Variants in RNF220 observed in about 807,000 individuals in gnomAD.
RNF220 encodes the protein E3 ubiquitin-protein ligase RNF220.
RNF220 carries 7 observed loss-of-function variants against 67.1 expected under a neutral mutation model. That is an observed-to-expected ratio of 0.10 (90% CI 0.06 to 0.20). The LOEUF is 0.20. Ranked by LOEUF, RNF220 falls within the 10% of genes least tolerant of loss-of-function variation. RNF220 has a pLI of 1.00. For missense variants in RNF220, 565 were observed against 740.3 expected, an observed-to-expected ratio of 0.76 and a Z score of 2.75; for synonymous variants, 270 against 283.2, an observed-to-expected ratio of 0.95 and a Z score of 0.47.
At chr1:44,487,038 G>A (rs139970750) in intron 2 of RNF220, among the ~76,000 whole-genome samples, 1,758 of 152,148 alleles carry the variant, frequency 0.012, 21 homozygotes, top group Non-Finnish European at 0.02. Flanking sequence ...TTAGAAGGAC[G>A]GTTTAAAAAT....
chr1:44,631,430 C>G (rs1442361338), intron 5 of RNF220, among the ~76,000 whole-genome samples: 2 of 152,220 alleles, frequency 1.3e-5, no homozygotes, highest in African/African-American at 4.8e-5. Context: ...TAGATAGTGG[C>G]TTCCTCTTAT....
intron 2 of RNF220, among the ~76,000 whole-genome samples, chr1:44,597,468 GCA>G (rs56375404): frequency 0.09 from 12,217 of 135,388 alleles, 558 homozygotes; most frequent in East Asian, 0.19. Flanking sequence ...TCTCTCTCAT[GCA>G]CACACACACA....
intron 2 of RNF220, among the ~76,000 whole-genome samples, chr1:44,585,748 G>A (rs2148355721): frequency 6.6e-6 from 1 of 152,242 alleles, no homozygotes. Context: ...GTGACCTTGG[G>A]CAAGTTCCTT....
At chr1:44,641,150 C>G (rs1644478090) in intron 8 of RNF220, among the ~76,000 whole-genome samples, 1 of 151,876 alleles carries the variant, frequency 6.6e-6, no homozygotes, top group Non-Finnish European at 1.5e-5. Context: ...ACTTAACTCT[C>G]TCCCTCTTTG....
chr1:44,465,545 C>T (rs556650180), intron 2 of RNF220, among the ~76,000 whole-genome samples: 9 of 151,680 alleles, frequency 5.9e-5, no homozygotes, highest in Admixed American at 2.6e-4. Flanking sequence ...GCTGAGATTA[C>T]AGGCATGCAC....
chr1:44,591,225 T>C (rs1344355053), intron 2 of RNF220, among the ~76,000 whole-genome samples: 1 of 152,172 alleles, frequency 6.6e-6, no homozygotes, highest in South Asian at 2.1e-4. Context: ...AATGCTGGGA[T>C]TACAGGCATG....
chr1:44,493,040 A>T (rs1227541525), intron 2 of RNF220, among the ~76,000 whole-genome samples: 1 of 152,022 alleles, frequency 6.6e-6, no homozygotes, highest in Middle Eastern at 3.2e-3. Flanking sequence ...CTACAAATGC[A>T]TGCTACCTTG....
chr1:44,523,308 G>A (rs1572762478), intron 2 of RNF220, among the ~76,000 whole-genome samples: 1 of 152,162 alleles, frequency 6.6e-6, no homozygotes, highest in East Asian at 1.9e-4. Flanking sequence ...CCCCGGGGAA[G>A]GGTCTGGGCA....
At chr1:44,461,843 C>T (rs182897800) in intron 2 of RNF220, among the ~76,000 whole-genome samples, 2 of 152,028 alleles carry the variant, frequency 1.3e-5, no homozygotes, top group African/African-American at 2.4e-5. Flanking sequence ...CAAAATGAAA[C>T]CTCGCATCTG....
At chr1:44,615,024 G>T (rs1261782048) in intron 3 of RNF220, among the ~76,000 whole-genome samples, 2 of 152,180 alleles carry the variant, frequency 1.3e-5, no homozygotes, top group Non-Finnish European at 2.9e-5. Context: ...AAGACTTGGT[G>T]GCTGGGAGCT....
At chr1:44,512,289 A>G (rs865875397) in intron 2 of RNF220, among the ~76,000 whole-genome samples, 1 of 152,198 alleles carries the variant, frequency 6.6e-6, no homozygotes, top group Non-Finnish European at 1.5e-5. Flanking sequence ...GAAGAAGTCA[A>G]CAACCACATG....
chr1:44,493,413 T>A (rs576076068), intron 2 of RNF220, among the ~76,000 whole-genome samples: 1 of 150,524 alleles, frequency 6.6e-6, no homozygotes, highest in East Asian at 2.0e-4. Context: ...ACTCGGGAGG[T>A]TGAGGCAGGA....
chr1:44,530,939 G>A (rs997577496), intron 2 of RNF220, among the ~76,000 whole-genome samples: 1 of 151,984 alleles, frequency 6.6e-6, no homozygotes, highest in African/African-American at 2.4e-5. Flanking sequence ...CTCCAGCCTG[G>A]GTGACAGGGT....
At chr1:44,579,839 G>C (rs1427265446) in intron 2 of RNF220, among the ~76,000 whole-genome samples, 5 of 151,652 alleles carry the variant, frequency 3.3e-5, no homozygotes, top group African/African-American at 1.2e-4. Flanking sequence ...GACCAGCCTG[G>C]GCAACATGGT....
At chr1:44,532,448 A>G (rs1660906400) in intron 2 of RNF220, among the ~76,000 whole-genome samples, 1 of 152,218 alleles carries the variant, frequency 6.6e-6, no homozygotes, top group Non-Finnish European at 1.5e-5. Context: ...TGGACACTTC[A>G]GACATATGTG....
intron 2 of RNF220, among the ~76,000 whole-genome samples, chr1:44,422,567 T>C (rs1484768744): frequency 1.3e-5 from 2 of 152,204 alleles, no homozygotes; most frequent in Non-Finnish European, 2.9e-5. Context: ...TGTCATTTCT[T>C]CTTTATTTAA....
intron 2 of RNF220, among the ~76,000 whole-genome samples, chr1:44,590,772 C>T (rs534325272): frequency 1.3e-5 from 2 of 152,082 alleles, no homozygotes; most frequent in Non-Finnish European, 2.9e-5. Flanking sequence ...TGTGCCAGGC[C>T]CTGTTAAAGA....
intron 2 of RNF220, among the ~76,000 whole-genome samples, chr1:44,563,008 C>T (rs932446431): frequency 1.3e-5 from 2 of 152,180 alleles, no homozygotes; most frequent in Admixed American, 1.3e-4. Context: ...ATAGACACTA[C>T]CCTGTAACCA....
intron 2 of RNF220, among the ~76,000 whole-genome samples, chr1:44,470,321 T>G (rs1654690372): frequency 6.6e-6 from 1 of 152,178 alleles, no homozygotes. Context: ...AGAACTAAGT[T>G]TGGAAGGGAA....
Sources: allele counts gnomAD v4.1 joint callset (sites outside exome capture counted in the v4.1 genomes callset), GRCh38; gene constraint gnomAD v4.1.1; transcripts MANE v1.5; gene names NCBI Gene and HGNC (gene_info 2026-07-23, HGNC 2026-07-21).